Variants in ZNF331 observed in about 807,000 individuals in gnomAD.
ZNF331 encodes the protein zinc finger protein 331.
ZNF331 carries 2 observed loss-of-function variants against 7.0 expected under a neutral mutation model. The ratio of observed to expected loss-of-function variants is 0.29; its 90% confidence interval spans 0.12 to 0.90. The LOEUF (loss-of-function observed/expected upper bound fraction) is 0.90. Ranked by LOEUF, ZNF331 falls within the 40% of genes least tolerant of loss-of-function variation. The pLI is 0.58. For missense variants in ZNF331, 432 were observed against 587.7 expected, an observed-to-expected ratio of 0.74 and a Z score of 2.74; for synonymous variants, 196 against 205.4, an observed-to-expected ratio of 0.95 and a Z score of 0.39.
upstream of ZNF331, among the ~76,000 whole-genome samples, chr19:53,515,121 T>G (rs1032952225): frequency 2.0e-5 from 3 of 152,218 alleles, no homozygotes; most frequent in African/African-American, 7.2e-5. Flanking sequence ...ACAGGCTTAT[T>G]GTAAAATAAT....
rs1019540278 is a variant in ZNF331, at chr19:53,573,942, G to A, written c.136+2212G>A. On this transcript the variant is annotated intron_variant, in intron 5 of 5. Coordinates refer to ENST00000449416, the MANE Select transcript of ZNF331 (RefSeq NM_001079906.2). This position sits in a 1 kb window ranked among gnomAD's most constrained non-coding sequence, Gnocchi z 4.2. ...AGCCTGGCCAACATGGTGAAAACCC[G>A]TCTCTACTAAAAACACAAAAATTAG... is the stretch of plus-strand genomic sequence containing the variant. 2.3e-4 allele frequency among the ~76,000 whole-genome samples: 35 copies of A among 152,154 alleles called. No homozygotes were observed. Among genetic ancestry groups the A allele is most frequent in the Non-Finnish European group, 3.4e-4 (23 of 68,004 alleles).
Position 53,576,972 on chromosome 19 carries a change from A to G in ZNF331, c.412A>G (p.Lys138Glu). 6.2e-7 allele frequency: 1 copy of G among 1,614,242 alleles called. No homozygotes were observed. The highest frequency in any genetic ancestry group is 8.5e-7 in the Non-Finnish European group (1 of 1,180,050). ...ENSFECKDCGKAFSRGYQLSQ... is the reference protein window; with the variant it reads ...ENSFECKDCGEAFSRGYQLSQ... Reference sequence around the variant, plus strand: ...TTCCTTTGAATGTAAGGACTGTGGGAAGGCCTTTAGTCGTGGCTATCAACT... The same window carrying G: ...TTCCTTTGAATGTAAGGACTGTGGGGAGGCCTTTAGTCGTGGCTATCAACT... Residue 138 changes from lysine to glutamate, a missense_variant, in exon 6 of 6, where the codon AAG becomes GAG. Around this residue, in one of 3 missense-constraint regions of ZNF331, gnomAD observed 312 missense variants for 448.6 expected, o/e 0.70. Transcript: ENST00000449416.
chr19:53,536,753 A>T (rs1046758509), upstream of ZNF331, among the ~76,000 whole-genome samples: 2 of 152,182 alleles, frequency 1.3e-5, no homozygotes, highest in South Asian at 2.1e-4. Context: ...TACAAAAAAA[A>T]TTAGCCGGGC....
At chr19:53,575,970 C>G (rs925478635) in intron 5 of ZNF331, among the ~76,000 whole-genome samples, 1 of 151,794 alleles carries the variant, frequency 6.6e-6, no homozygotes, top group African/African-American at 2.4e-5. Context: ...GCGTGAGCCA[C>G]CGTGCCCAGT....
At chr19:53,527,845 G>A (rs536596447) in intron 2 of ZNF331, among the ~76,000 whole-genome samples, 1 of 110,874 alleles carries the variant, frequency 9.0e-6, no homozygotes, top group South Asian at 3.0e-4. Context: ...CTAATCCCAT[G>A]ACAGCAGATT....
chr19:53,525,053 T>C (rs1281252616), intron 2 of ZNF331, among the ~76,000 whole-genome samples: 2 of 152,226 alleles, frequency 1.3e-5, no homozygotes, highest in Non-Finnish European at 2.9e-5. Flanking sequence ...TTTGTCAGGT[T>C]TGTCAAAGAT....
intron 2 of ZNF331, among the ~76,000 whole-genome samples, chr19:53,549,816 C>T (rs972827724): frequency 4.6e-5 from 7 of 151,350 alleles, no homozygotes; most frequent in Non-Finnish European, 7.4e-5. Context: ...TCCATTTGTT[C>T]ATTTTCTGGT....
intron 2 of ZNF331, among the ~76,000 whole-genome samples, chr19:53,529,825 T>C (rs1386811563): frequency 2.6e-5 from 4 of 152,102 alleles, no homozygotes; most frequent in African/African-American, 9.7e-5. Flanking sequence ...GAGGGGAAAC[T>C]GAGTAGAAGC....
At chr19:53,547,768 A>T (rs2088713857) in intron 2 of ZNF331, among the ~76,000 whole-genome samples, 2 of 152,170 alleles carry the variant, frequency 1.3e-5, no homozygotes, top group South Asian at 4.1e-4. Flanking sequence ...TGTTGCCCTG[A>T]ATAATAGTAG....
rs887865062 is a variant in ZNF331 at position 53,558,659 on chromosome 19, G to A, written c.-74+2751G>A. On this transcript the variant is annotated intron_variant, in intron 3 of 5. Coordinates refer to ENST00000449416, the MANE Select transcript of ZNF331 (RefSeq NM_001079906.2). The surrounding 1 kb of genome is among the most constrained non-coding windows in gnomAD (Gnocchi z 4.5). ...GGAGTGAGAGTCCTGCTTTGGGCAG[G>A]TGAAAGGAGGGCAAGAGAAGATGAG... 6.6e-6 allele frequency among the ~76,000 whole-genome samples: 1 copy of A among 151,956 alleles called. No individual in the cohort carries two copies. The highest frequency in any genetic ancestry group is 1.5e-5 in the Non-Finnish European group (1 of 67,972).
In ZNF331 at chr19:53,528,516, G is replaced by T. The variant is rs570451064; in HGVS notation, c.-205+5832G>T. Among the ~76,000 whole-genome samples the T allele has an allele frequency of 4.7e-4, 71 of 152,244 alleles. 1 individual carries two copies. The highest frequency in any genetic ancestry group is 1.7e-3 in the African/African-American group (71 of 41,550). ...CATATCTCATGGTATTTATATTCCA[G>T]TTTCACCAGTGAGGAAAAAGACACT... On this transcript the variant is annotated intron_variant, in intron 2 of 6. Transcript: ENST00000253144.
the ZNF331 span, among the ~76,000 whole-genome samples, chr19:53,511,350 G>T: frequency 3.3e-5 from 5 of 152,002 alleles, no homozygotes; most frequent in Admixed American, 6.6e-5. Context: ...CATTATCGCA[G>T]TGTAAAATGA....
intron 2 of ZNF331, among the ~76,000 whole-genome samples, chr19:53,525,529 G>A (rs1422781936): frequency 1.3e-5 from 2 of 152,074 alleles, no homozygotes; most frequent in South Asian, 2.1e-4. Context: ...TTGTGAATGG[G>A]AGTTCACTCA....
intron 5 of ZNF331, among the ~76,000 whole-genome samples, chr19:53,576,414 C>G (rs1294841548): frequency 1.3e-5 from 2 of 152,238 alleles, no homozygotes; most frequent in Non-Finnish European, 2.9e-5. Flanking sequence ...CCAAGTATAT[C>G]ATCACATCAT....
chr19:53,564,576 C>T (rs570026935), intron 3 of ZNF331, among the ~76,000 whole-genome samples: 85 of 152,270 alleles, frequency 5.6e-4, no homozygotes, highest in African/African-American at 1.9e-3. Flanking sequence ...CCACTGTGCC[C>T]GGACTATACA....
chr19:53,548,060 G>A (rs1466689541), intron 2 of ZNF331, among the ~76,000 whole-genome samples: 1 of 151,780 alleles, frequency 6.6e-6, no homozygotes, highest in Non-Finnish European at 1.5e-5. Flanking sequence ...CTCCCAAGTA[G>A]CTGGGACTAC....
At chr19:53,513,652 G>T in the ZNF331 span, among the ~76,000 whole-genome samples, 188 of 91,520 alleles carry the variant, frequency 2.1e-3, no homozygotes, top group Middle Eastern at 6.5e-3. Flanking sequence ...ACTTTTTTTC[G>T]TTGTTGTTGT....
At chr19:53,540,799 T>G (rs11669946) in intron 2 of ZNF331, among the ~76,000 whole-genome samples, 2 of 151,604 alleles carry the variant, frequency 1.3e-5, no homozygotes, top group African/African-American at 4.8e-5. Context: ...ATGCCTTGGT[T>G]TGTGACCCCT....
At chr19:53,542,081 T>G (rs1440991097) in intron 2 of ZNF331, among the ~76,000 whole-genome samples, 3 of 152,134 alleles carry the variant, frequency 2.0e-5, no homozygotes, top group African/African-American at 7.2e-5. Flanking sequence ...CATGTGTGTG[T>G]TTTGTTTTTG....
Sources: gnomAD v4.1 joint callset for allele counts (sites outside exome capture counted in the v4.1 genomes callset) on GRCh38, gnomAD v4.1.1 for gene constraint, gnomAD v4.1.1 regional missense constraint, Gnocchi (gnomAD v3.1) non-coding constraint, MANE v1.5 for transcripts, NCBI Gene and HGNC (gene_info 2026-07-23, HGNC 2026-07-21) for gene names.